Variants in C8orf34 observed in about 807,000 individuals in gnomAD.
The protein encoded by C8orf34 is chromosome 8 open reading frame 34.
C8orf34 carries 65 observed loss-of-function variants against 68.3 expected under a neutral mutation model. The ratio of observed to expected loss-of-function variants is 0.95; its 90% CI spans 0.78 to 1.17. The LOEUF (loss-of-function observed/expected upper bound fraction) is 1.17, where lower values mean the gene tolerates loss of function less well. C8orf34 is among the 50% of genes most tolerant of loss of function. The probability of loss-of-function intolerance (pLI) is 0.00; values close to 1 mark genes in which losing one functional copy is unlikely to be tolerated. For synonymous variants in C8orf34, 244 were observed against 241.2 expected, an observed-to-expected ratio of 1.01 and a Z score of -0.11; for missense variants, 664 against 655.4, an observed-to-expected ratio of 1.01 and a Z score of -0.14.
intron 10 of C8orf34, among the ~76,000 whole-genome samples, chr8:68,770,929 G>A (rs1166180316): frequency 2.0e-5 from 3 of 152,036 alleles, no homozygotes; most frequent in Non-Finnish European, 4.4e-5. Context: ...ATCTTAAAAT[G>A]CCACTGTGTT....
chr8:68,804,607 C>G (rs1268224174), intron 12 of C8orf34, among the ~76,000 whole-genome samples: 1 of 151,920 alleles, frequency 6.6e-6, no homozygotes, highest in Non-Finnish European at 1.5e-5. Flanking sequence ...ATGGCGAAAC[C>G]CCATCTCTAC....
At chr8:68,794,391 G>A (rs1443053203) in intron 12 of C8orf34, among the ~76,000 whole-genome samples, 10 of 55,076 alleles carry the variant, frequency 1.8e-4, no homozygotes, top group South Asian at 7.8e-4. Flanking sequence ...GGCTGGTCTC[G>A]AACTCCTGGG....
In C8orf34 at chr8:68,722,650, A is replaced by G. The variant is rs532655898; in HGVS notation, c.1404+1213A>G. Among the ~76,000 whole-genome samples the G allele has an allele frequency of 4.6e-5, 7 of 151,902 alleles. 1 individual carries two copies. The South Asian group carries it at 1.5e-3, about 32-fold the overall frequency. ...CTTATGATTTCTACTGTGTGATACA[A>G]TTTACTTATTTGTTTTACTGTCCAT... On this transcript the variant is annotated intron_variant, in intron 10 of 13. Transcript: ENST00000518698.
At chr8:68,562,119 T>C (rs995087978) in intron 7 of C8orf34, among the ~76,000 whole-genome samples, 2 of 152,216 alleles carry the variant, frequency 1.3e-5, no homozygotes, top group African/African-American at 2.4e-5. Context: ...TTTTATACAA[T>C]TGGCAATACA....
chr8:68,654,123 C>T (rs1007922101), intron 8 of C8orf34, among the ~76,000 whole-genome samples: 8 of 152,064 alleles, frequency 5.3e-5, no homozygotes, highest in Non-Finnish European at 5.9e-5. Flanking sequence ...CAGATGAAAT[C>T]GGTGCCCTTA....
intron 1 of C8orf34, among the ~76,000 whole-genome samples, chr8:68,430,450 T>A (rs1810407739): frequency 6.6e-6 from 1 of 152,166 alleles, no homozygotes; most frequent in African/African-American, 2.4e-5. Flanking sequence ...TAGGGACTGC[T>A]TACTTATAGC....
rs535058482 is a variant in C8orf34, at chr8:68,748,924, C to A, written c.1405-27475C>A. On this transcript the variant is annotated intron_variant, in intron 10 of 13. Transcript: ENST00000518698. ...AGGACTGTAAATCATGCTGCTATAA[C>A]GACACATGCACACGTATGTTTATTG... Among the ~76,000 whole-genome samples, 440 of 152,140 alleles carry A rather than the reference C, an allele frequency of 2.9e-3. 1 individual carries two copies. Among genetic ancestry groups the A allele is most frequent in the Middle Eastern group, 0.01 (3 of 294 alleles).
chr8:68,779,465 G>T (rs563073162), intron 11 of C8orf34, among the ~76,000 whole-genome samples: 1 of 152,142 alleles, frequency 6.6e-6, no homozygotes, highest in South Asian at 2.1e-4. Context: ...GAACTTACTG[G>T]CAGTGTGGCA....
intron 10 of C8orf34, among the ~76,000 whole-genome samples, chr8:68,757,356 G>A (rs1005641651): frequency 2.2e-4 from 33 of 152,168 alleles, no homozygotes; most frequent in African/African-American, 7.0e-4. Flanking sequence ...TTAGCCGGGC[G>A]CAGTGGCTCA....
intron 10 of C8orf34, among the ~76,000 whole-genome samples, chr8:68,757,082 T>C (rs1822882794): frequency 6.6e-6 from 1 of 152,250 alleles, no homozygotes; most frequent in Non-Finnish European, 1.5e-5. Flanking sequence ...ATTGTTAGAT[T>C]GAAAATAAAT....
chr8:68,719,549 A>AT (rs1821608700), intron 9 of C8orf34, among the ~76,000 whole-genome samples: 1 of 152,012 alleles, frequency 6.6e-6, no homozygotes, highest in African/African-American at 2.4e-5. Flanking sequence ...AAAGCACCTA[A>AT]TACAGTGCTT....
intron 1 of C8orf34, among the ~76,000 whole-genome samples, chr8:68,391,624 C>T (rs566839323): frequency 6.6e-6 from 1 of 152,306 alleles, no homozygotes; most frequent in African/African-American, 2.4e-5. Context: ...CAGCAAGATA[C>T]TGTCACATTG....
At chr8:68,640,532 A>ATATATATATACATATTAT in intron 8 of C8orf34, 21 bp downstream of exon 8, 1 of 1,601,944 alleles carries the variant, frequency 6.2e-7, no homozygotes, top group Non-Finnish European at 8.5e-7. Flanking sequence ...TAATAGGTAT[A>ATATATATATACATATTAT]GTATATATAA....
intron 8 of C8orf34, among the ~76,000 whole-genome samples, chr8:68,644,938 A>G (rs1006604521): frequency 6.6e-6 from 1 of 152,252 alleles, no homozygotes; most frequent in African/African-American, 2.4e-5. Flanking sequence ...TGCAGAATTC[A>G]TAGAGCAAAA....
In C8orf34 at chr8:68,787,466, G is replaced by C. The variant is rs1205614055; in HGVS notation, c.1479G>C (p.Gln493His). The change falls in exon 12 of 14, where the codon CAG becomes CAC. Residue 493 changes from glutamine (Q) to histidine (H), a missense_variant. Coordinates refer to ENST00000518698, the MANE Select transcript of C8orf34 (RefSeq NM_052958.4). ...MEEDESLKQL[Q>H]VVHQPWILPS... ...AGGATGAATCCTTAAAGCAATTGCAGGTAGTTCATCAACCATGGATCTTGC... is the reference window on the plus strand; with the variant it reads ...AGGATGAATCCTTAAAGCAATTGCACGTAGTTCATCAACCATGGATCTTGC... 1.2e-6 allele frequency: 2 copies of C among 1,611,998 alleles called. No individual in the cohort carries two copies. The highest frequency in any genetic ancestry group is 2.2e-5 in the South Asian group (2 of 90,818).
intron 8 of C8orf34, among the ~76,000 whole-genome samples, chr8:68,675,893 A>C (rs1820172662): frequency 6.6e-6 from 1 of 152,218 alleles, no homozygotes; most frequent in Admixed American, 6.5e-5. Flanking sequence ...ACGAATGGAA[A>C]AAGATATTCC....
At chr8:68,369,504 A>G (rs1177710978) in intron 1 of C8orf34, among the ~76,000 whole-genome samples, 2 of 152,210 alleles carry the variant, frequency 1.3e-5, no homozygotes, top group Non-Finnish European at 2.9e-5. Context: ...CATGAAGGAC[A>G]TAGGTGTGGA....
Position 68,448,756 on chromosome 8 carries a change from T to G in C8orf34, c.607+2296T>G, listed in dbSNP as rs1811222590. ...CCAATTAAAGCAAATATTGTCAGACTGAATAAAGAGTATAGATTTTTTAAA... is the reference window on the plus strand; with the variant it reads ...CCAATTAAAGCAAATATTGTCAGACGGAATAAAGAGTATAGATTTTTTAAA... On this transcript the variant is annotated intron_variant, in intron 3 of 13. Coordinates refer to ENST00000518698, the MANE Select transcript of C8orf34 (RefSeq NM_052958.4). Among the ~76,000 whole-genome samples the G allele has an allele frequency of 2.6e-5, 4 of 152,046 alleles. No homozygotes were observed. In the South Asian group the frequency reaches 6.2e-4, roughly 24 times the overall value.
intron 3 of C8orf34, among the ~76,000 whole-genome samples, chr8:68,450,361 A>G (rs970819258): frequency 1.3e-5 from 2 of 152,046 alleles, no homozygotes; most frequent in Non-Finnish European, 2.9e-5. Context: ...AAATATTTTG[A>G]TCTCCTCCCA....
Sources: gnomAD v4.1 joint callset for allele counts (sites outside exome capture counted in the v4.1 genomes callset) on GRCh38, gnomAD v4.1.1 for gene constraint, MANE v1.5 for transcripts, NCBI Gene and HGNC (gene_info 2026-07-23, HGNC 2026-07-21) for gene names.